SNX8: variants seen among roughly 807,000 people sequenced by gnomAD.
The protein encoded by SNX8 is sorting nexin 8, also known as sorting nexin-8.
SNX8 carries 25 observed loss-of-function variants against 51.6 expected under a neutral mutation model. The ratio of observed to expected loss-of-function variants is 0.48; its 90% CI spans 0.35 to 0.68. The LOEUF (loss-of-function observed/expected upper bound fraction) is 0.68. Among genes scored for constraint, SNX8 ranks in the 30% least tolerant of loss-of-function variants. The pLI is 0.00. For missense variants in SNX8, 695 were observed against 624.0 expected, an observed-to-expected ratio of 1.11 and a Z score of -1.21; for synonymous variants, 324 against 277.0, an observed-to-expected ratio of 1.17 and a Z score of -1.68.
At chr7:2,347,631 T>TTG (rs1779058011) in intron 1 of SNX8, among the ~76,000 whole-genome samples, 1 of 130,148 alleles carries the variant, frequency 7.7e-6, no homozygotes, top group African/African-American at 2.5e-5. Flanking sequence ...TTTTTTTTTT[T>TTG]GCTCATTTTA....
intron 1 of SNX8, among the ~76,000 whole-genome samples, chr7:2,311,703 C>G (rs553193779): frequency 6.0e-4 from 91 of 151,768 alleles, no homozygotes; most frequent in South Asian, 1.2e-3. Flanking sequence ...TTTGGGAGGC[C>G]GAGGCGGCTA....
At chr7:2,310,928 G>C (rs1796646449) in intron 1 of SNX8, among the ~76,000 whole-genome samples, 2 of 152,164 alleles carry the variant, frequency 1.3e-5, no homozygotes, top group African/African-American at 4.8e-5. Flanking sequence ...ATCCCAAACT[G>C]AGAACAATGG....
At chr7:2,322,975 C>T (rs1778557117) in intron 1 of SNX8, among the ~76,000 whole-genome samples, 1 of 151,904 alleles carries the variant, frequency 6.6e-6, no homozygotes, top group South Asian at 2.1e-4. Context: ...CGAGATCTTG[C>T]TGCTGCACTC....
chr7:2,266,272 C>G (rs1216236168), intron 5 of SNX8, among the ~76,000 whole-genome samples: 1 of 152,102 alleles, frequency 6.6e-6, no homozygotes, highest in Non-Finnish European at 1.5e-5. Flanking sequence ...GCAGCCTCTG[C>G]CTCCTGGGTT....
At chr7:2,338,648 T>C (rs1778872121) in intron 1 of SNX8, among the ~76,000 whole-genome samples, 1 of 151,762 alleles carries the variant, frequency 6.6e-6, no homozygotes, top group East Asian at 1.9e-4. Flanking sequence ...ATAAAAAATA[T>C]TGGGAAGGAA....
At chr7:2,334,619 G>A (rs919862120) in intron 1 of SNX8, among the ~76,000 whole-genome samples, 3 of 151,794 alleles carry the variant, frequency 2.0e-5, no homozygotes, top group South Asian at 4.2e-4. Flanking sequence ...GGAGGATCAC[G>A]AGCCCAGGAG....
At chr7:2,333,262 T>C (rs1373986715) in intron 1 of SNX8, among the ~76,000 whole-genome samples, 5 of 151,988 alleles carry the variant, frequency 3.3e-5, no homozygotes. Flanking sequence ...AGGCCCCCTC[T>C]TTACAAAAAA....
chr7:2,344,708 C>T (rs1205345534), intron 1 of SNX8, among the ~76,000 whole-genome samples: 1 of 151,848 alleles, frequency 6.6e-6, no homozygotes, highest in African/African-American at 2.4e-5. Context: ...CATTTAAGTT[C>T]AGGATCATCT....
chr7:2,315,108 A>G (rs972050246), upstream of SNX8, among the ~76,000 whole-genome samples: 3 of 56,610 alleles, frequency 5.3e-5, no homozygotes, highest in Non-Finnish European at 1.1e-4. Flanking sequence ...ATCCACTCAC[A>G]CACTCACCGC....
intron 1 of SNX8, among the ~76,000 whole-genome samples, chr7:2,327,955 T>G (rs1012333827): frequency 5.3e-5 from 8 of 152,064 alleles, no homozygotes; most frequent in African/African-American, 1.9e-4. Context: ...TTTCTGGACC[T>G]GCTGGGCTCA....
intron 1 of SNX8, among the ~76,000 whole-genome samples, chr7:2,312,021 TC>T (rs909732465): frequency 3.3e-5 from 5 of 151,850 alleles, no homozygotes; most frequent in Non-Finnish European, 7.4e-5. Context: ...ACAGTCTACG[TC>T]CCAAGAGTCT....
chr7:2,257,252 T>C lies in SNX8; in HGVS notation c.1134+113A>G, dbSNP rs1446398801. On this transcript the variant is annotated intron_variant, in intron 9 of 10. Coordinates refer to ENST00000222990, the MANE Select transcript of SNX8 (RefSeq NM_013321.4). ...CCTGCCTCCACTGCACCCCCAGCTCTGTTCCAGACACAAGGAGCCAACCCA... is the reference window on the plus strand; with the variant it reads ...CCTGCCTCCACTGCACCCCCAGCTCCGTTCCAGACACAAGGAGCCAACCCA... 3 of 1,325,752 alleles carry C rather than the reference T, an allele frequency of 2.3e-6. No individual in the cohort carries two copies. In the Admixed American group the frequency reaches 6.9e-5, roughly 30 times the overall value. 82.1% of individuals were successfully genotyped at this position (1,325,752 alleles called of 1,614,324 possible).
chr7:2,320,274 G>T (rs562358985), intron 1 of SNX8, among the ~76,000 whole-genome samples: 1 of 152,222 alleles, frequency 6.6e-6, no homozygotes, highest in Non-Finnish European at 1.5e-5. Flanking sequence ...AGATTTGCTT[G>T]AACCTGGGAG....
intron 1 of SNX8, among the ~76,000 whole-genome samples, chr7:2,346,206 G>A (rs969761731): frequency 4.6e-5 from 7 of 151,716 alleles, no homozygotes; most frequent in African/African-American, 1.7e-4. Context: ...CTGAGGAACA[G>A]AGGAGAAAAT....
At position 2,324,293 on chromosome 7, in the gene SNX8, CT is replaced by C. The variant is rs370841279; in HGVS notation, c.-66+29928del. ...CACCCCATCTCTATTTTCTTTCTTT[CT>C]TTTTTTTTTTTTTTGAGACAGAGTT... On this transcript the variant is annotated intron_variant, in intron 1 of 5. Transcript: ENST00000435336. Among the ~76,000 whole-genome samples the C allele has an allele frequency of 6.3e-3, 862 of 137,390 alleles. 7 individuals are homozygous for C. The highest frequency in any genetic ancestry group is 0.017 in the African/African-American group (642 of 37,418). The allele number at this position is 137,390 out of a possible 152,430, so 90.1% of individuals were successfully genotyped here.
rs565997453 is a variant in SNX8, at chr7:2,285,646, A to G, written c.95-7341T>C. 2.0e-5 allele frequency among the ~76,000 whole-genome samples: 3 copies of G among 152,074 alleles called. No individual in the cohort carries two copies. The East Asian group carries it at 5.8e-4, about 29-fold the overall frequency. On this transcript the variant is annotated intron_variant, in intron 1 of 10. Transcript: ENST00000222990. Reference sequence around the variant, plus strand: ...TCCCCTAACTACTGCGCTAACTGCCATACAGGTCTCATACTTTCTTTTTCT... The same window carrying G: ...TCCCCTAACTACTGCGCTAACTGCCGTACAGGTCTCATACTTTCTTTTTCT...
At chr7:2,350,717 GCTCACTGCAGCCTCTGC>G (rs1779120923) in intron 1 of SNX8, among the ~76,000 whole-genome samples, 1 of 152,076 alleles carries the variant, frequency 6.6e-6, no homozygotes, top group South Asian at 2.1e-4. Context: ...CACAACCTCG[GCTCACTGCAGCCTCTGC>G]CTCCTGGGCT....
chr7:2,339,909 G>A (rs1304940701), intron 1 of SNX8, among the ~76,000 whole-genome samples: 3 of 152,054 alleles, frequency 2.0e-5, no homozygotes, highest in South Asian at 2.1e-4. Context: ...TTGGCACTTC[G>A]ATATCACTGG....
intron 1 of SNX8, among the ~76,000 whole-genome samples, chr7:2,303,264 C>G (rs1202031329): frequency 6.8e-6 from 1 of 147,186 alleles, no homozygotes. Flanking sequence ...GGCCAGCCGC[C>G]CCGTCCGGGA....
Sources: gnomAD v4.1 joint callset for allele counts (sites outside exome capture counted in the v4.1 genomes callset) on GRCh38, gnomAD v4.1.1 for gene constraint, MANE v1.5 for transcripts, NCBI Gene and HGNC (gene_info 2026-07-23, HGNC 2026-07-21) for gene names.